Variants in BCAS3 observed in about 807,000 individuals in gnomAD.
BCAS3 encodes the protein BCAS3 microtubule associated cell migration factor, also known as BCAS4/BCAS3 fusion.
A neutral mutation model predicts 116.1 loss-of-function variants in BCAS3; 53 were observed. That is an observed-to-expected ratio of 0.46 (90% CI 0.37 to 0.57). BCAS3 has a LOEUF of 0.57. Among genes scored for constraint, BCAS3 ranks in the 20% least tolerant of loss-of-function variants. The pLI, the probability that BCAS3 is intolerant of heterozygous loss-of-function variation, is 0.00. For synonymous variants in BCAS3, 391 were observed against 408.2 expected (o/e 0.96, Z 0.51); for missense variants, 917 against 1,165.4 (o/e 0.79, Z 3.10).
rs752031248 is a variant in BCAS3 at position 60,967,901 on chromosome 17, C to G, written c.1221+20549C>G. On this transcript the variant is annotated intron_variant, in intron 14 of 23. Coordinates refer to ENST00000407086, the MANE Select transcript of BCAS3 (RefSeq NM_017679.5). The surrounding 1 kb of genome is among the most constrained non-coding windows in gnomAD (Gnocchi z 4.7). ...CAAGATTTCTATATTTTTTCCCAAT[C>G]TCTTTGTTAAATTTCTCTGATAAAT... is the stretch of plus-strand genomic sequence containing the variant. 1.3e-5 allele frequency among the ~76,000 whole-genome samples: 2 copies of G among 152,126 alleles called. No homozygotes were observed. Among genetic ancestry groups the G allele is most frequent in the Non-Finnish European group, 2.9e-5 (2 of 68,026 alleles).
Position 61,197,907 on chromosome 17 carries a change from T to C in BCAS3, c.2425+113343T>C, listed in dbSNP as rs1658959149. On this transcript the variant is annotated intron_variant, in intron 22 of 23. Transcript: ENST00000407086. Reference sequence around the variant, plus strand: ...CTTTATTAGAAATTCTCATGACTTCTAGATGTGGTTTTGGTCATTTCCATA... The same window carrying C: ...CTTTATTAGAAATTCTCATGACTTCCAGATGTGGTTTTGGTCATTTCCATA... Among the ~76,000 whole-genome samples the C allele has an allele frequency of 3.3e-5, 5 of 152,336 alleles. No individual in the cohort carries two copies. In the South Asian group the frequency reaches 1.0e-3, roughly 32 times the overall value.
intron 22 of BCAS3, among the ~76,000 whole-genome samples, chr17:61,123,249 TA>T (rs766750080): frequency 2.0e-5 from 3 of 151,986 alleles, no homozygotes; most frequent in Non-Finnish European, 2.9e-5. Context: ...AGCCACTGGG[TA>T]AGTCTTCTTT....
In BCAS3 at chr17:60,994,510, T is replaced by G. The variant is rs2063720388; in HGVS notation, c.1486+4275T>G. 6.6e-6 allele frequency among the ~76,000 whole-genome samples: 1 copy of G among 152,162 alleles called. No homozygotes were observed. The highest frequency in any genetic ancestry group is 6.5e-5 in the Admixed American group (1 of 15,282). ...TATATCAGTAATTTCTAACAATTTT[T>G]TACTATCACAAGCACTTCCTTGTGG... On this transcript the variant is annotated intron_variant, in intron 15 of 23. Transcript: ENST00000407086. The surrounding 1 kb of genome is among the most constrained non-coding windows in gnomAD (Gnocchi z 4.4).
chr17:60,712,783 G>T (rs963596417), intron 5 of BCAS3, among the ~76,000 whole-genome samples: 5 of 152,176 alleles, frequency 3.3e-5, no homozygotes, highest in African/African-American at 1.2e-4. Context: ...TCAAAGAAGG[G>T]CCAAATGGCT....
In BCAS3 at chr17:61,315,176, C is replaced by T. The variant is rs577193413; in HGVS notation, c.2426-53151C>T. On this transcript the variant is annotated intron_variant, in intron 22 of 23. Coordinates refer to ENST00000407086, the MANE Select transcript of BCAS3 (RefSeq NM_017679.5). This position sits in a 1 kb window ranked among gnomAD's most constrained non-coding sequence, Gnocchi z 5.3. ...TGTCACCTAGGCTGGAGTGCAGTGG[C>T]GTGATCTCGGCTCACTGCAGCCTCC... Among the ~76,000 whole-genome samples, 38 of 152,222 alleles carry T rather than the reference C, an allele frequency of 2.5e-4. No individual in the cohort carries two copies. The highest frequency in any genetic ancestry group is 9.2e-4 in the African/African-American group (38 of 41,522).
chr17:60,697,582 CA>C (rs758307797), intron 4 of BCAS3, among the ~76,000 whole-genome samples: 3,487 of 59,066 alleles, frequency 0.059, 63 homozygotes, highest in East Asian at 0.14. Context: ...GACTCTGTCT[CA>C]AAAAAAAAAA....
At chr17:61,052,281 A>G (rs1011257772) in intron 19 of BCAS3, among the ~76,000 whole-genome samples, 4 of 152,040 alleles carry the variant, frequency 2.6e-5, no homozygotes, top group East Asian at 1.9e-4. Context: ...TTAATTCTGT[A>G]TCTGTAAGTA....
chr17:61,031,528 C>G (rs1191148020), intron 16 of BCAS3, among the ~76,000 whole-genome samples: 9 of 152,144 alleles, frequency 5.9e-5, no homozygotes, highest in Middle Eastern at 3.4e-3. Context: ...TCATAACGTT[C>G]TTTTTATTAG....
chr17:61,244,302 T>G lies in BCAS3; in HGVS notation c.2426-124025T>G, dbSNP rs539581010. Among the ~76,000 whole-genome samples the G allele has an allele frequency of 6.6e-6, 1 of 152,316 alleles. No homozygotes were observed. The highest frequency in any genetic ancestry group is 6.5e-5 in the Admixed American group (1 of 15,294). On this transcript the variant is annotated intron_variant, in intron 22 of 23. Transcript: ENST00000407086. This position sits in a 1 kb window ranked among gnomAD's most constrained non-coding sequence, Gnocchi z 4.9. ...TTGTATACACACATATATACGCTAT[T>G]GTTTGTAAAATGAAATCACACTGAG...
At chr17:61,086,863 C>G in intron 22 of BCAS3, 14 of 985,128 alleles carry the variant, frequency 1.4e-5, no homozygotes, top group Non-Finnish European at 1.7e-5. Context: ...TGGTTCAGAT[C>G]CCTTTTGAAT....
chr17:61,146,507 G>C (rs2143969898), intron 22 of BCAS3, among the ~76,000 whole-genome samples: 1 of 152,134 alleles, frequency 6.6e-6, no homozygotes, highest in South Asian at 2.1e-4. Context: ...TGAGCTCTTA[G>C]GAGTGTTTCT....
chr17:61,168,286 G>A (rs1419192347), intron 22 of BCAS3, among the ~76,000 whole-genome samples: 1 of 151,908 alleles, frequency 6.6e-6, no homozygotes, highest in Non-Finnish European at 1.5e-5. Context: ...ATCCAACTCT[G>A]TATTTATATC....
intron 6 of BCAS3, among the ~76,000 whole-genome samples, chr17:60,794,425 T>C (rs1344772970): frequency 6.6e-6 from 1 of 152,190 alleles, no homozygotes; most frequent in African/African-American, 2.4e-5. Context: ...CCTAGCTATT[T>C]ATCTGTGTTT....
rs768552995 is a variant in BCAS3 at position 61,251,945 on chromosome 17, C to T, written c.2426-116382C>T. Among the ~76,000 whole-genome samples the T allele has an allele frequency of 4.1e-4, 62 of 152,006 alleles. No homozygotes were observed. Among genetic ancestry groups the T allele is most frequent in the African/African-American group, 1.4e-3 (57 of 41,420 alleles). On this transcript the variant is annotated intron_variant, in intron 22 of 23. Coordinates refer to ENST00000407086, the MANE Select transcript of BCAS3 (RefSeq NM_017679.5). The surrounding 1 kb of genome is among the most constrained non-coding windows in gnomAD (Gnocchi z 4.7). ...AAGCTTGATCTCAAGGAACTTTACA[C>T]GGGTGGCAGTTTAGAAGAAAAAGAG...
chr17:61,367,369 T>C lies in BCAS3; in HGVS notation c.2426-958T>C, dbSNP rs1404765341. Among the ~76,000 whole-genome samples the C allele has an allele frequency of 2.0e-5, 3 of 152,202 alleles. No homozygotes were observed. The highest frequency in any genetic ancestry group is 4.4e-5 in the Non-Finnish European group (3 of 68,024). On this transcript the variant is annotated intron_variant, in intron 22 of 23. Coordinates refer to ENST00000407086, the MANE Select transcript of BCAS3 (RefSeq NM_017679.5). This position sits in a 1 kb window ranked among gnomAD's most constrained non-coding sequence, Gnocchi z 6.2. Reference sequence around the variant, plus strand: ...ATGAAATAAGCTTTCACAGAAGACTTGCTGTATAATAAAGTAGAATAATTC... The same window carrying C: ...ATGAAATAAGCTTTCACAGAAGACTCGCTGTATAATAAAGTAGAATAATTC...
In BCAS3 at chr17:61,302,090, G is replaced by A. The variant is rs1378590364; in HGVS notation, c.2426-66237G>A. On this transcript the variant is annotated intron_variant, in intron 22 of 23. Transcript: ENST00000407086. The surrounding 1 kb of genome is among the most constrained non-coding windows in gnomAD (Gnocchi z 4.4). Reference sequence around the variant, plus strand: ...TGTCAGCTAGTCCTAAGAAAAAGTTGAGATTCTCTACACATACAGTCAGCT... The same window carrying A: ...TGTCAGCTAGTCCTAAGAAAAAGTTAAGATTCTCTACACATACAGTCAGCT... Among the ~76,000 whole-genome samples, 2 of 152,056 alleles carry A rather than the reference G, an allele frequency of 1.3e-5. No individual in the cohort carries two copies. The highest frequency in any genetic ancestry group is 6.6e-5 in the Admixed American group (1 of 15,266).
intron 22 of BCAS3, among the ~76,000 whole-genome samples, chr17:61,158,350 A>C (rs760710037): frequency 2.6e-5 from 4 of 152,292 alleles, no homozygotes; most frequent in Non-Finnish European, 4.4e-5. Flanking sequence ...GAATATGTGC[A>C]TGACTTGTGG....
chr17:60,927,547 C>T (rs934758618), intron 13 of BCAS3, among the ~76,000 whole-genome samples: 5 of 152,028 alleles, frequency 3.3e-5, no homozygotes, highest in African/African-American at 1.2e-4. Context: ...GAGCCACCAC[C>T]CCTGGTCCTT....
intron 22 of BCAS3, among the ~76,000 whole-genome samples, chr17:61,107,900 A>C (rs992975173): frequency 6.6e-6 from 1 of 152,238 alleles, no homozygotes; most frequent in East Asian, 1.9e-4. Flanking sequence ...GCTGGGTCAC[A>C]TTGTAAGGAT....
Sources: gnomAD v4.1 joint callset for allele counts (sites outside exome capture counted in the v4.1 genomes callset) on GRCh38, gnomAD v4.1.1 for gene constraint, Gnocchi (gnomAD v3.1) non-coding constraint, MANE v1.5 for transcripts, NCBI Gene and HGNC (gene_info 2026-07-23, HGNC 2026-07-21) for gene names.